The following ZMIZ1 variants were observed in gnomAD, a reference collection of about 807,000 sequenced individuals.
The protein encoded by ZMIZ1 is zinc finger MIZ-type containing 1.
Under a neutral mutation model 113.9 loss-of-function variants are expected in ZMIZ1, and 17 were observed. The observed-to-expected ratio is 0.15, with a 90% confidence interval of 0.10 to 0.22. The LOEUF is 0.22. ZMIZ1 is among the 10% of genes least tolerant of loss of function. The pLI, the probability that ZMIZ1 is intolerant of heterozygous loss-of-function variation, is 1.00. For synonymous variants in ZMIZ1, 607 were observed against 603.1 expected, an observed-to-expected ratio of 1.01 and a Z score of -0.09; for missense variants, 1,059 against 1,477.8, an observed-to-expected ratio of 0.72 and a Z score of 4.65.
Position 79,197,029 on chromosome 10 carries a change from T to A in ZMIZ1, c.-49-4555T>A, listed in dbSNP as rs560995008. 2.0e-5 allele frequency among the ~76,000 whole-genome samples: 3 copies of A among 152,318 alleles called. No individual in the cohort carries two copies. In the East Asian group the frequency reaches 5.8e-4, roughly 29 times the overall value. ...CTGGCCCCCAGGTCACTTAGGTTTG[T>A]CAACAGCGCCCCCTGCTGGCTGCCT... is the stretch of plus-strand genomic sequence containing the variant. On this transcript the variant is annotated intron_variant, in intron 4 of 24. Transcript: ENST00000334512.
intron 4 of ZMIZ1, among the ~76,000 whole-genome samples, chr10:79,197,838 A>G (rs1847907865): frequency 6.6e-6 from 1 of 152,120 alleles, no homozygotes; most frequent in South Asian, 2.1e-4. Context: ...GGAGGAGCTC[A>G]GCACATGGTC....
At chr10:79,175,505 C>T (rs1486347211) in intron 4 of ZMIZ1, among the ~76,000 whole-genome samples, 2 of 152,234 alleles carry the variant, frequency 1.3e-5, no homozygotes, top group East Asian at 3.9e-4. Flanking sequence ...AGGAGGCCTC[C>T]TCTCTATCGC....
At chr10:79,267,762 T>C (rs1851694555) in intron 7 of ZMIZ1, among the ~76,000 whole-genome samples, 1 of 152,138 alleles carries the variant, frequency 6.6e-6, no homozygotes, top group African/African-American at 2.4e-5. Flanking sequence ...CTCTCACTTG[T>C]GTTGACAAAG....
intron 4 of ZMIZ1, among the ~76,000 whole-genome samples, chr10:79,196,823 C>A (rs1050009080): frequency 6.6e-6 from 1 of 152,228 alleles, no homozygotes. Flanking sequence ...GAGGTAGACC[C>A]TTATGGGTCA....
At chr10:79,096,124 C>T (rs1843157937) in intron 1 of ZMIZ1, among the ~76,000 whole-genome samples, 1 of 152,158 alleles carries the variant, frequency 6.6e-6, no homozygotes, top group African/African-American at 2.4e-5. Flanking sequence ...CTGAAGGTTG[C>T]TGGAGAAAGG....
intron 7 of ZMIZ1, among the ~76,000 whole-genome samples, chr10:79,254,776 G>A (rs975593780): frequency 6.6e-6 from 1 of 152,190 alleles, no homozygotes; most frequent in Non-Finnish European, 1.5e-5. Flanking sequence ...AGGGTGCCAG[G>A]CAATGCAGGG....
At chr10:79,080,178 T>C (rs7098411) in intron 1 of ZMIZ1, among the ~76,000 whole-genome samples, 5,960 of 152,216 alleles carry the variant, frequency 0.039, 375 homozygotes, top group African/African-American at 0.13. Context: ...TTGTGATGGT[T>C]GGGAGCAAGT....
chr10:79,261,188 G>A (rs957865567), intron 7 of ZMIZ1, among the ~76,000 whole-genome samples: 2 of 152,194 alleles, frequency 1.3e-5, no homozygotes, highest in Non-Finnish European at 2.9e-5. Context: ...CGGGTGGTCG[G>A]GTTTTTGACC....
At chr10:79,309,216 G>A (rs1002844029) in intron 23 of ZMIZ1, among the ~76,000 whole-genome samples, 70 of 152,234 alleles carry the variant, frequency 4.6e-4, no homozygotes, top group African/African-American at 1.3e-3. Context: ...ACTTGGTGGC[G>A]GGTTGACAGG....
chr10:79,312,567 C>T (rs929607365), intron 24 of ZMIZ1, 75 bp from the exon 25 acceptor site: 125 of 1,489,130 alleles, frequency 8.4e-5, no homozygotes, highest in Non-Finnish European at 9.5e-5. Flanking sequence ...CGGGCCAGGG[C>T]GCCCCTGCAT....
intron 1 of ZMIZ1, among the ~76,000 whole-genome samples, chr10:79,079,779 G>A (rs544964560): frequency 1.8e-4 from 27 of 152,364 alleles, no homozygotes; most frequent in Non-Finnish European, 3.7e-4. Context: ...GAAAGAGCTG[G>A]CACTGGGGTG....
intron 7 of ZMIZ1, among the ~76,000 whole-genome samples, chr10:79,247,665 G>A (rs559152347): frequency 6.6e-6 from 1 of 152,312 alleles, no homozygotes; most frequent in South Asian, 2.1e-4. Flanking sequence ...GCCTGGCCTG[G>A]GGCAGTGGTG....
At chr10:79,156,270 C>T (rs1477959893) in intron 3 of ZMIZ1, among the ~76,000 whole-genome samples, 1 of 152,170 alleles carries the variant, frequency 6.6e-6, no homozygotes, top group African/African-American at 2.4e-5. Context: ...AGAGACCCCC[C>T]CGCTGCTCTT....
At chr10:79,297,816 G>T (rs1045903723) in intron 14 of ZMIZ1, 126 bp downstream of exon 14, 1 of 755,112 alleles carries the variant, frequency 1.3e-6, no homozygotes, top group Admixed American at 2.4e-5. Context: ...GCACTCCCTG[G>T]TCCCCTGTCC....
chr10:79,288,804 G>A (rs2132020174), intron 8 of ZMIZ1, among the ~76,000 whole-genome samples: 1 of 152,288 alleles, frequency 6.6e-6, no homozygotes, highest in East Asian at 1.9e-4. Context: ...AAGCATCACT[G>A]GACACTCACT....
At chr10:79,268,400 C>A (rs890791666) in intron 7 of ZMIZ1, among the ~76,000 whole-genome samples, 2 of 152,194 alleles carry the variant, frequency 1.3e-5, no homozygotes, top group East Asian at 3.8e-4. Flanking sequence ...GTTTCCTGCC[C>A]CCAGGAATGG....
intron 7 of ZMIZ1, among the ~76,000 whole-genome samples, chr10:79,240,636 A>ATTTTT (rs1589466733): frequency 2.5e-5 from 2 of 78,526 alleles, no homozygotes; most frequent in African/African-American, 1.3e-4. Context: ...AAGAGTATTT[A>ATTTTT]TCTTTTTTTT....
intron 1 of ZMIZ1, among the ~76,000 whole-genome samples, chr10:79,112,676 T>G (rs1843796487): frequency 6.6e-6 from 1 of 152,154 alleles, no homozygotes; most frequent in Non-Finnish European, 1.5e-5. Context: ...CCTGGCTGAT[T>G]GCACATATAT....
chr10:79,265,319 C>G (rs184233340), intron 7 of ZMIZ1, among the ~76,000 whole-genome samples: 2 of 152,250 alleles, frequency 1.3e-5, no homozygotes, highest in Non-Finnish European at 1.5e-5. Flanking sequence ...AGCCTGCTTG[C>G]AGATCCCAGG....
Sources: gnomAD v4.1 joint callset for allele counts (sites outside exome capture counted in the v4.1 genomes callset) on GRCh38, gnomAD v4.1.1 for gene constraint, MANE v1.5 for transcripts, NCBI Gene and HGNC (gene_info 2026-07-23, HGNC 2026-07-21) for gene names.